The following IL1RL1 variants were observed in gnomAD, a reference collection of about 807,000 sequenced individuals.
IL1RL1 encodes the protein interleukin-1 receptor-like 1.
A neutral mutation model predicts 50.9 loss-of-function variants in IL1RL1; 32 were observed. The ratio of observed to expected loss-of-function variants is 0.63; its 90% CI spans 0.47 to 0.84. The LOEUF is 0.84. Ranked by LOEUF, IL1RL1 falls within the 40% of genes least tolerant of loss-of-function variation. The pLI is 0.00. For synonymous variants in IL1RL1, 275 were observed against 236.0 expected (o/e 1.17, Z -1.51); for missense variants, 773 against 662.9 (o/e 1.17, Z -1.82).
rs372016897 is a variant in IL1RL1 at position 102,338,253 on chromosome 2, T to G, written c.-12T>G. ...ACGAGTTACCAATACTTGCTCTTGA[T>G]TGATAAACAGAATGGGGTTTTGGAT... On this transcript the variant is annotated 5_prime_UTR_variant, in exon 2 of 11. Transcript: ENST00000233954. 2 of 1,595,820 alleles carry G rather than the reference T, an allele frequency of 1.3e-6. No individual in the cohort carries two copies. Among genetic ancestry groups the G allele is most frequent in the Non-Finnish European group, 1.7e-6 (2 of 1,165,482 alleles).
chr2:102,329,439 C>A (rs1677111101), intron 1 of IL1RL1, among the ~76,000 whole-genome samples: 1 of 152,176 alleles, frequency 6.6e-6, no homozygotes, highest in African/African-American at 2.4e-5. Flanking sequence ...GCAAGGACTT[C>A]ATGTCTAAAA....
intron 1 of IL1RL1, among the ~76,000 whole-genome samples, chr2:102,331,452 C>T (rs1677176414): frequency 6.6e-6 from 1 of 152,206 alleles, no homozygotes; most frequent in Non-Finnish European, 1.5e-5. Flanking sequence ...TTAGTCATTT[C>T]ACATGTGCAA....
At chr2:102,342,981 A>ACATT in intron 6 of IL1RL1, 55 bp from the exon 7 acceptor site, 1 of 1,565,264 alleles carries the variant, frequency 6.4e-7, no homozygotes, top group Non-Finnish European at 8.7e-7. Context: ...TAAATGGGAT[A>ACATT]AAATGCCAGT....
In IL1RL1 at chr2:102,352,030, C is replaced by A. The variant is rs1677951714; in HGVS notation, c.*109C>A. 8.9e-7 allele frequency: 1 copy of A among 1,118,152 alleles called. No homozygotes were observed. The highest frequency in any genetic ancestry group is 1.3e-6 in the Non-Finnish European group (1 of 788,932). The allele number at this position is 1,118,152 out of a possible 1,614,324, so 69.3% of individuals were successfully genotyped here. On this transcript the variant is annotated 3_prime_UTR_variant, in exon 11 of 11. Coordinates refer to ENST00000233954, the MANE Select transcript of IL1RL1 (RefSeq NM_016232.5). ...GAGGAGCAGGAATATTAAAGGGATT[C>A]AGGCCTCAGGTTTCATCTGGTAACT...
At chr2:102,325,481 A>G (rs941092709) in intron 1 of IL1RL1, among the ~76,000 whole-genome samples, 15 of 152,228 alleles carry the variant, frequency 9.9e-5, no homozygotes, top group African/African-American at 1.4e-4. Flanking sequence ...CCTCACCAGC[A>G]ATGGAACAAA....
intron 3 of IL1RL1, chr2:102,339,250 T>A (rs1414264185): frequency 3.8e-6 from 2 of 529,080 alleles, no homozygotes; most frequent in Non-Finnish European, 6.7e-6. Context: ...GCTATTTGGA[T>A]TTACAGTTGC....
Position 102,340,835 on chromosome 2 carries a change from T to G in IL1RL1, c.610+7T>G. ...AGGTCCTTCACGGTCAAGGGTAAGC[T>G]ACTGACATTAATGAGATAGAATACT... On this transcript the variant is annotated splice_region_variant and intron_variant, in intron 5 of 10. Coordinates refer to ENST00000233954, the MANE Select transcript of IL1RL1 (RefSeq NM_016232.5). 6.4e-7 allele frequency: 1 copy of G among 1,561,818 alleles called. No individual in the cohort carries two copies. The highest frequency in any genetic ancestry group is 8.6e-7 in the Non-Finnish European group (1 of 1,162,236).
At chr2:102,340,305 AT>A (rs1559603417) in intron 4 of IL1RL1, 33 bp downstream of exon 4, 1 of 1,537,016 alleles carries the variant, frequency 6.5e-7, no homozygotes. Context: ...ATAGATGAAA[AT>A]TACACAATTA....
intron 1 of IL1RL1, among the ~76,000 whole-genome samples, chr2:102,317,355 A>G (rs1444074365): frequency 6.6e-6 from 1 of 151,586 alleles, no homozygotes; most frequent in African/African-American, 2.4e-5. Context: ...CTCTGTCTCA[A>G]AAAAAAAAGT....
chr2:102,317,235 T>G (rs1200038972), intron 1 of IL1RL1, among the ~76,000 whole-genome samples: 1 of 151,864 alleles, frequency 6.6e-6, no homozygotes, highest in Non-Finnish European at 1.5e-5. Context: ...GCGCCTGTAG[T>G]CCCAGCTACT....
chr2:102,320,985 A>C (rs1055738517), intron 1 of IL1RL1, among the ~76,000 whole-genome samples: 10 of 152,186 alleles, frequency 6.6e-5, no homozygotes, highest in Non-Finnish European at 1.5e-4. Context: ...CTCGCAATCT[A>C]GTCTCTACCC....
intron 1 of IL1RL1, among the ~76,000 whole-genome samples, chr2:102,330,287 C>A (rs1677136306): frequency 6.7e-6 from 1 of 149,888 alleles, no homozygotes; most frequent in South Asian, 2.1e-4. Flanking sequence ...GGGAATTGGA[C>A]AATGAGAACA....
At chr2:102,329,186 A>G (rs1677101741) in intron 1 of IL1RL1, among the ~76,000 whole-genome samples, 1 of 152,216 alleles carries the variant, frequency 6.6e-6, no homozygotes, top group Non-Finnish European at 1.5e-5. Flanking sequence ...ATAATGCTGC[A>G]TGTCTACAAG....
At chr2:102,335,983 C>T (rs188498450) in intron 1 of IL1RL1, among the ~76,000 whole-genome samples, 9 of 152,238 alleles carry the variant, frequency 5.9e-5, no homozygotes, top group Admixed American at 3.9e-4. Flanking sequence ...TCAATCTCCC[C>T]GCGGTCAAAG....
At chr2:102,333,622 T>G (rs1677231691) in intron 1 of IL1RL1, among the ~76,000 whole-genome samples, 1 of 152,172 alleles carries the variant, frequency 6.6e-6, no homozygotes, top group South Asian at 2.1e-4. Flanking sequence ...AAATTTTAGA[T>G]TCTAAGGTAC....
At chr2:102,313,647 T>C (rs1559592911) in intron 1 of IL1RL1, among the ~76,000 whole-genome samples, 1 of 152,226 alleles carries the variant, frequency 6.6e-6, no homozygotes, top group Non-Finnish European at 1.5e-5. Context: ...TTCCTGGTTT[T>C]CTGGGAGTGC....
chr2:102,319,257 A>G (rs1319257751), intron 1 of IL1RL1, among the ~76,000 whole-genome samples: 1 of 152,204 alleles, frequency 6.6e-6, no homozygotes, highest in East Asian at 1.9e-4. Flanking sequence ...CAAATGCTAT[A>G]TAATCACAAA....
At position 102,343,153 on chromosome 2, in the gene IL1RL1, A is replaced by C; in HGVS notation, c.800A>C (p.Gln267Pro). 1 of 1,614,186 alleles carries C rather than the reference A, an allele frequency of 6.2e-7. No homozygotes were observed. Among genetic ancestry groups the C allele is most frequent in the Non-Finnish European group, 8.5e-7 (1 of 1,180,024 alleles). The change falls in exon 7 of 11, where the codon CAA (glutamine) becomes CCA (proline). Residue 267 changes from glutamine to proline, a missense_variant. Transcript: ENST00000233954. ...KITDFGEPRI[Q>P]QEEGQNQSFS... ...ACAGACTTTGGTGAACCAAGAATTC[A>C]ACAAGAGGAAGGGCAAAATCAAAGG...
At chr2:102,316,600 A>G (rs547130064) in intron 1 of IL1RL1, among the ~76,000 whole-genome samples, 1 of 152,282 alleles carries the variant, frequency 6.6e-6, no homozygotes, top group South Asian at 2.1e-4. Context: ...AAGCAATCAA[A>G]CCATCCAATA....
Sources: allele counts gnomAD v4.1 joint callset (sites outside exome capture counted in the v4.1 genomes callset), GRCh38; gene constraint gnomAD v4.1.1; transcripts MANE v1.5; gene names NCBI Gene and HGNC (gene_info 2026-07-23, HGNC 2026-07-21).